Variants in CCDC93 observed in about 807,000 individuals in gnomAD.
The protein encoded by CCDC93 is CCC complex scaffolding subunit CCDC93, also known as coiled-coil domain-containing protein 93.
Under a neutral mutation model 108.2 loss-of-function variants are expected in CCDC93, and 61 were observed. The observed-to-expected ratio is 0.56, with a 90% CI of 0.46 to 0.70. The LOEUF is 0.70. Ranked by LOEUF, CCDC93 falls within the 30% of genes least tolerant of loss-of-function variation. The pLI is 0.00. For synonymous variants in CCDC93, 276 were observed against 260.4 expected (o/e 1.06, Z -0.58); for missense variants, 685 against 764.2 (o/e 0.90, Z 1.22).
intron 12 of CCDC93, among the ~76,000 whole-genome samples, chr2:117,954,779 G>A (rs1164957731): frequency 6.6e-6 from 1 of 152,192 alleles, no homozygotes; most frequent in Non-Finnish European, 1.5e-5. Context: ...ACGTGTCGTG[G>A]GAGGGATCAG....
At chr2:117,953,187 A>G (rs1679113766) in intron 12 of CCDC93, among the ~76,000 whole-genome samples, 1 of 152,244 alleles carries the variant, frequency 6.6e-6, no homozygotes, top group Admixed American at 6.5e-5. Context: ...ACAATGAGAA[A>G]TTTTAACCTA....
intron 16 of CCDC93, 120 bp downstream of exon 16, chr2:117,946,691 G>A: frequency 2.9e-6 from 2 of 679,236 alleles, no homozygotes; most frequent in East Asian, 5.2e-5. Flanking sequence ...AAGGAAAACA[G>A]TTGAGGAATG....
At chr2:117,938,251 C>T (rs1678583524) in intron 20 of CCDC93, among the ~76,000 whole-genome samples, 2 of 152,166 alleles carry the variant, frequency 1.3e-5, no homozygotes, top group Non-Finnish European at 2.9e-5. Flanking sequence ...ATCTGACTGA[C>T]GCCAAAGCCC....
At chr2:117,922,386 T>C (rs1480644014) in intron 23 of CCDC93, among the ~76,000 whole-genome samples, 2 of 152,188 alleles carry the variant, frequency 1.3e-5, no homozygotes, top group South Asian at 2.1e-4. Context: ...CCTCAGTCTC[T>C]TTCCTGCTGA....
chr2:118,008,229 T>C (rs974143694), intron 2 of CCDC93, among the ~76,000 whole-genome samples: 1 of 152,242 alleles, frequency 6.6e-6, no homozygotes, highest in African/African-American at 2.4e-5. Flanking sequence ...CATTATTAAC[T>C]CTGATTATTT....
chr2:117,943,919 C>T (rs751117604), intron 18 of CCDC93, 105 bp downstream of exon 18: 20 of 695,922 alleles, frequency 2.9e-5, no homozygotes, highest in Non-Finnish European at 4.0e-5. Context: ...AGCCTCATTA[C>T]TTATTTTCTC....
intron 10 of CCDC93, 41 bp from the exon 11 acceptor site, chr2:117,974,035 GTCTTCCAT>G: frequency 1.5e-6 from 2 of 1,312,672 alleles, no homozygotes; most frequent in Non-Finnish European, 2.2e-6. Context: ...GCCAAGCCTT[GTCTTCCAT>G]AGCACTGGAA....
chr2:117,973,893 T>C lies in CCDC93; in HGVS notation c.888+15A>G. 1 of 1,597,214 alleles carries C rather than the reference T, an allele frequency of 6.3e-7. No individual in the cohort carries two copies. Among genetic ancestry groups the C allele is most frequent in the Non-Finnish European group, 8.6e-7 (1 of 1,168,712 alleles). On this transcript the variant is annotated intron_variant, in intron 11 of 23. Transcript: ENST00000376300. ...CATTATCTGGGGCACAGACTCCAGC[T>C]GGGCCCCCACCTACCTTCTCTGCAT...
chr2:117,980,894 T>C (rs1680098377), intron 7 of CCDC93, among the ~76,000 whole-genome samples: 1 of 152,200 alleles, frequency 6.6e-6, no homozygotes, highest in East Asian at 1.9e-4. Context: ...CTGATCTACC[T>C]TCTGTCTCTA....
At chr2:117,931,743 G>T (rs1239500192) in intron 22 of CCDC93, 2 of 152,114 alleles carry the variant, frequency 1.3e-5, no homozygotes, top group Non-Finnish European at 2.9e-5. Context: ...CAATATTCCT[G>T]CTGATTGCTA....
At chr2:117,933,012 A>G (rs1367405978) in intron 22 of CCDC93, among the ~76,000 whole-genome samples, 1 of 152,236 alleles carries the variant, frequency 6.6e-6, no homozygotes, top group Non-Finnish European at 1.5e-5. Context: ...GAATTTATCC[A>G]GGATCCACTG....
At chr2:117,984,863 C>G (rs1378135618) in intron 7 of CCDC93, among the ~76,000 whole-genome samples, 2 of 152,172 alleles carry the variant, frequency 1.3e-5, no homozygotes. Context: ...CACAACCCGT[C>G]CACTAGCACA....
chr2:117,965,925 TAATTTAAA>T (rs1221594009), intron 11 of CCDC93, among the ~76,000 whole-genome samples: 1 of 152,186 alleles, frequency 6.6e-6, no homozygotes, highest in Non-Finnish European at 1.5e-5. Flanking sequence ...AAGATTGTAT[TAATTTAAA>T]AATATATTTT....
At position 117,939,090 on chromosome 2, in the gene CCDC93, G is replaced by T; in HGVS notation, c.1544C>A (p.Thr515Asn). ...YRQISAVHKE[T>N]KQFFTLYNTL... is the part of the protein sequence containing the mutation. ...ATTATATAAAGTGAAGAACTGCTTG[G>T]TTTCTTTGTGCACTGCTGAAACTGT... Residue 515 changes from threonine to asparagine, a missense_variant, in exon 20 of 24, where the codon ACC (threonine) becomes AAC (asparagine). Physicochemically the swap from Thr to Asn is moderately conservative, Grantham distance 65. Coordinates refer to ENST00000376300, the MANE Select transcript of CCDC93 (RefSeq NM_019044.5). 1 of 1,606,894 alleles carries T rather than the reference G, an allele frequency of 6.2e-7. No homozygotes were observed. Among genetic ancestry groups the T allele is most frequent in the Non-Finnish European group, 8.5e-7 (1 of 1,173,994 alleles).
rs1677814997 is a variant in CCDC93 at position 117,920,248 on chromosome 2, CTCTACTGTCGCTTTCA to C, written c.*79_*94del. On this transcript the variant is annotated 3_prime_UTR_variant, in exon 24 of 24. Transcript: ENST00000376300. ...TGTTGAAATCATCACAACTGCATCT[CTCTACTGTCGCTTTCA>C]GAACCATTTCATGATCTTGTAGGTG... 1.4e-5 allele frequency: 11 copies of C among 775,606 alleles called. No homozygotes were observed. The highest frequency in any genetic ancestry group is 2.2e-5 in the Non-Finnish European group (10 of 461,820). 48.0% of individuals were successfully genotyped at this position (775,606 alleles called of 1,614,324 possible).
chr2:117,969,408 A>G (rs745378585), intron 11 of CCDC93, among the ~76,000 whole-genome samples: 3 of 152,246 alleles, frequency 2.0e-5, no homozygotes, highest in Non-Finnish European at 4.4e-5. Context: ...TAAGACTCAC[A>G]GAGGGTGCTG....
At chr2:117,967,411 ATGGTGTGTG>A (rs1323552414) in intron 11 of CCDC93, among the ~76,000 whole-genome samples, 1 of 152,250 alleles carries the variant, frequency 6.6e-6, no homozygotes, top group Non-Finnish European at 1.5e-5. Context: ...GCTTAGGTTT[ATGGTGTGTG>A]AGTGCCTGGG....
chr2:117,940,037 G>C lies in CCDC93; in HGVS notation c.1523-926C>G, dbSNP rs570651709. 2.1e-4 allele frequency among the ~76,000 whole-genome samples: 32 copies of C among 152,270 alleles called. No individual in the cohort carries two copies. In the South Asian group the frequency reaches 6.6e-3, roughly 32 times the overall value. Reference sequence around the variant, plus strand: ...AGAGTAAAATGATCAAATATATGTTGAAAGAGATCTAATTAGACTCTGAGC... The same window carrying C: ...AGAGTAAAATGATCAAATATATGTTCAAAGAGATCTAATTAGACTCTGAGC... On this transcript the variant is annotated intron_variant, in intron 19 of 23. Coordinates refer to ENST00000376300, the MANE Select transcript of CCDC93 (RefSeq NM_019044.5).
At chr2:117,957,637 T>C (rs1655064079) in intron 12 of CCDC93, among the ~76,000 whole-genome samples, 1 of 152,210 alleles carries the variant, frequency 6.6e-6, no homozygotes, top group African/African-American at 2.4e-5. Flanking sequence ...ATGGCTTGGA[T>C]GGTCCTGTTG....
Sources: gnomAD v4.1 joint callset for allele counts (sites outside exome capture counted in the v4.1 genomes callset) on GRCh38, gnomAD v4.1.1 for gene constraint, MANE v1.5 for transcripts, NCBI Gene and HGNC (gene_info 2026-07-23, HGNC 2026-07-21) for gene names.